The following CLIP2 variants were observed in gnomAD, a reference collection of about 807,000 sequenced individuals.
CLIP2 encodes CAP-Gly domain-containing linker protein 2.
Under a neutral mutation model 111.7 loss-of-function variants are expected in CLIP2, and 41 were observed. That is an observed-to-expected ratio of 0.37 (90% CI 0.29 to 0.48). The LOEUF (loss-of-function observed/expected upper bound fraction) is 0.48, where lower values mean the gene tolerates loss of function less well. Among genes scored for constraint, CLIP2 ranks in the 20% least tolerant of loss-of-function variants. The probability of loss-of-function intolerance (pLI) is 0.99; values close to 1 mark genes in which losing one functional copy is unlikely to be tolerated. For synonymous variants in CLIP2, 660 were observed against 644.2 expected, an observed-to-expected ratio of 1.02 and a Z score of -0.37; for missense variants, 1,160 against 1,422.1, an observed-to-expected ratio of 0.82 and a Z score of 2.96.
intron 2 of CLIP2, among the ~76,000 whole-genome samples, chr7:74,328,646 G>GGACTTCCTT (rs1789187686): frequency 6.6e-6 from 1 of 152,178 alleles, no homozygotes; most frequent in South Asian, 2.1e-4. Context: ...ACGGGCATGA[G>GGACTTCCTT]GACTTCCTTA....
chr7:74,403,726 A>G (rs782687497), intron 16 of CLIP2, 111 bp from the exon 17 acceptor site: 26 of 1,095,306 alleles, frequency 2.4e-5, no homozygotes, highest in African/African-American at 4.6e-5. Flanking sequence ...AGTTCGCTCT[A>G]TGCTCCTCCC....
chr7:74,320,195 C>CAAAAAAA (rs34079690), intron 2 of CLIP2, among the ~76,000 whole-genome samples: 1 of 99,276 alleles, frequency 1.0e-5, no homozygotes, highest in African/African-American at 4.7e-5. Flanking sequence ...GATTCCATCT[C>CAAAAAAA]AAAAAAAAAA....
intron 8 of CLIP2, among the ~76,000 whole-genome samples, chr7:74,370,389 G>A (rs1790583863): frequency 6.6e-6 from 1 of 150,512 alleles, no homozygotes; most frequent in African/African-American, 2.4e-5. Context: ...CAAGGAAGCA[G>A]AGGTTGCAGT....
rs1465990482 is a variant in CLIP2 at position 74,362,237 on chromosome 7, G to C, written c.1319+1959G>C. ...GGACACAAAGCTGACAGTGGACAGA[G>C]GTTTGCCTTGGCCTGGGATCCTCTC... On this transcript the variant is annotated intron_variant, in intron 7 of 16. Coordinates refer to ENST00000223398, the MANE Select transcript of CLIP2 (RefSeq NM_003388.5). Among the ~76,000 whole-genome samples, 29 of 152,290 alleles carry C rather than the reference G, an allele frequency of 1.9e-4. 1 individual carries two copies. Among genetic ancestry groups the C allele is most frequent in the South Asian group, 2.1e-4 (1 of 4,824 alleles).
chr7:74,292,273 G>T (rs1236981480), intron 1 of CLIP2, among the ~76,000 whole-genome samples: 1 of 152,066 alleles, frequency 6.6e-6, no homozygotes, highest in South Asian at 2.1e-4. Context: ...ATACACAGGG[G>T]AGGGAAGCTG....
intron 1 of CLIP2, among the ~76,000 whole-genome samples, chr7:74,306,885 C>T (rs571059548): frequency 3.2e-4 from 49 of 152,294 alleles, no homozygotes; most frequent in African/African-American, 1.1e-3. Context: ...CACAGCCACT[C>T]GGAGAAAGTC....
At chr7:74,389,514 T>C (rs895365651) in intron 13 of CLIP2, 2 of 280,746 alleles carry the variant, frequency 7.1e-6, no homozygotes, top group Non-Finnish European at 1.3e-5. Context: ...CCCAGCACTT[T>C]GGGAGGCTGA....
At chr7:74,340,764 A>G (rs1320338889) in intron 3 of CLIP2, among the ~76,000 whole-genome samples, 1 of 152,070 alleles carries the variant, frequency 6.6e-6, no homozygotes, top group African/African-American at 2.4e-5. Context: ...GGTACAGGGA[A>G]GGCCCTGACA....
intron 1 of CLIP2, among the ~76,000 whole-genome samples, chr7:74,315,034 T>C (rs1788732457): frequency 1.3e-5 from 2 of 152,266 alleles, no homozygotes; most frequent in Admixed American, 1.3e-4. Flanking sequence ...CCCAGCACTT[T>C]GGGAGGCGAG....
At chr7:74,398,025 T>A (rs1428190594) in intron 14 of CLIP2, among the ~76,000 whole-genome samples, 1 of 151,658 alleles carries the variant, frequency 6.6e-6, no homozygotes, top group East Asian at 2.0e-4. Context: ...AGAGACGGGT[T>A]GGGGTAGGCA....
At chr7:74,368,661 A>T (rs1790523010) in intron 8 of CLIP2, among the ~76,000 whole-genome samples, 1 of 152,168 alleles carries the variant, frequency 6.6e-6, no homozygotes, top group Non-Finnish European at 1.5e-5. Context: ...CATGCCATGG[A>T]TAGCCCTCTC....
intron 16 of CLIP2, chr7:74,401,787 T>G: frequency 1.5e-6 from 1 of 664,586 alleles, no homozygotes; most frequent in Non-Finnish European, 2.7e-6. Flanking sequence ...AGTTATAGGT[T>G]GGGCGCAGTG....
At chr7:74,362,528 C>CTTTTTTTTTTTTTTTTTTTTTTTTT (rs3044338) in intron 7 of CLIP2, among the ~76,000 whole-genome samples, 4 of 121,974 alleles carry the variant, frequency 3.3e-5, no homozygotes, top group African/African-American at 6.3e-5. Flanking sequence ...TTTTTCTTTT[C>CTTTTTTTTTTTTTTTTTTTTTTTTT]TTTTTTTTTT....
intron 13 of CLIP2, among the ~76,000 whole-genome samples, chr7:74,392,864 G>T (rs187133759): frequency 1.3e-5 from 2 of 152,100 alleles, no homozygotes; most frequent in East Asian, 3.9e-4. Flanking sequence ...ATAACAAATG[G>T]CAAGACCTAA....
chr7:74,380,941 T>C, intron 11 of CLIP2, 78 bp downstream of exon 11: 1 of 1,440,508 alleles, frequency 6.9e-7, no homozygotes, highest in Non-Finnish European at 9.8e-7. Context: ...CTGGGTCACA[T>C]TTTGGTTTGC....
At chr7:74,315,121 C>T (rs1427526134) in intron 1 of CLIP2, among the ~76,000 whole-genome samples, 1 of 151,746 alleles carries the variant, frequency 6.6e-6, no homozygotes, top group Admixed American at 6.6e-5. Flanking sequence ...ACTAAAAATA[C>T]AAAAATTAGC....
intron 1 of CLIP2, among the ~76,000 whole-genome samples, chr7:74,300,708 G>T (rs546851116): frequency 6.6e-6 from 1 of 152,038 alleles, no homozygotes. Context: ...CACCCGCCTC[G>T]GCCTCCCAAA....
At chr7:74,304,909 C>A (rs1788433994) in intron 1 of CLIP2, among the ~76,000 whole-genome samples, 1 of 152,152 alleles carries the variant, frequency 6.6e-6, no homozygotes, top group Non-Finnish European at 1.5e-5. Flanking sequence ...TGCATCACTA[C>A]ACTCTTGCCT....
rs111322217 is a variant in CLIP2, at chr7:74,357,450, T to A, written c.1188T>A (p.Ile396=). The part of the protein sequence containing the change: ...TSHICEVEKE[I]ALLKAQHEQY... The stretch of plus-strand genomic sequence containing the variant: ...ACATCTGCGAGGTGGAGAAGGAGAT[T>A]GCCCTGCTCAAGGCACAGCATGAGC... The change falls in exon 6 of 17, where the codon ATT becomes ATA. Residue 396 remains isoleucine, a synonymous_variant. Transcript: ENST00000223398. 6.2e-7 allele frequency: 1 copy of A among 1,613,850 alleles called. No individual in the cohort carries two copies. Among genetic ancestry groups the A allele is most frequent in the African/African-American group, 1.3e-5 (1 of 75,052 alleles).
Sources: allele counts gnomAD v4.1 joint callset (sites outside exome capture counted in the v4.1 genomes callset), GRCh38; gene constraint gnomAD v4.1.1; transcripts MANE v1.5; gene names NCBI Gene and HGNC (gene_info 2026-07-23, HGNC 2026-07-21).